Variants in RBFOX1 observed in about 807,000 individuals in gnomAD.
RBFOX1 encodes RNA binding fox-1 homolog 1.
RBFOX1 carries 8 observed loss-of-function variants against 57.7 expected under a neutral mutation model. The observed-to-expected ratio is 0.14, with a 90% CI of 0.08 to 0.25. The LOEUF (loss-of-function observed/expected upper bound fraction) is 0.25, where lower values mean the gene tolerates loss of function less well. Among genes scored for constraint, RBFOX1 ranks in the 10% least tolerant of loss-of-function variants. The probability of loss-of-function intolerance (pLI) is 1.00; values close to 1 mark genes in which losing one functional copy is unlikely to be tolerated. For synonymous variants in RBFOX1, 326 were observed against 222.4 expected (o/e 1.47, Z -4.15); for missense variants, 611 against 548.5 (o/e 1.11, Z -1.14).
chr16:7,404,270 C>G (rs2098297187), intron 4 of RBFOX1, among the ~76,000 whole-genome samples: 1 of 152,046 alleles, frequency 6.6e-6, no homozygotes. Flanking sequence ...TCAGGCTGGT[C>G]TCTAACTCCT....
At chr16:7,247,323 A>C (rs2094342185) in intron 4 of RBFOX1, among the ~76,000 whole-genome samples, 1 of 152,154 alleles carries the variant, frequency 6.6e-6, no homozygotes, top group East Asian at 1.9e-4. Flanking sequence ...TCACAGACAC[A>C]CCCGCAGTGG....
chr16:7,149,264 A>G (rs574640800), intron 4 of RBFOX1, among the ~76,000 whole-genome samples: 9 of 152,196 alleles, frequency 5.9e-5, no homozygotes, highest in South Asian at 4.2e-4. Flanking sequence ...GAGAGTTGCA[A>G]TATGACTGTT....
rs543894523 is a variant in RBFOX1, at chr16:7,025,144, G to T, written c.-15-26913G>T. Among the ~76,000 whole-genome samples the T allele has an allele frequency of 2.6e-5, 4 of 152,310 alleles. No individual in the cohort carries two copies. In the South Asian group the frequency reaches 8.3e-4, roughly 32 times the overall value. Reference sequence around the variant, plus strand: ...GAATGTCCACTCCATAGACAGAACAGCCCTGAAGGCTGCTGCCTGCCCATT... The same window carrying T: ...GAATGTCCACTCCATAGACAGAACATCCCTGAAGGCTGCTGCCTGCCCATT... On this transcript the variant is annotated intron_variant, in intron 3 of 15. Transcript: ENST00000550418.
At position 6,878,794 on chromosome 16, in the gene RBFOX1, G is replaced by C. The variant is rs574024516; in HGVS notation, c.-15-173263G>C. On this transcript the variant is annotated intron_variant, in intron 3 of 15. Coordinates refer to ENST00000550418, the MANE Select transcript of RBFOX1 (RefSeq NM_018723.4). ...CTGCAGAAATTTTAAAAAGTGCTTT[G>C]GGCTTTTCACAAAGTATAGAAAGGG... Among the ~76,000 whole-genome samples, 4 of 152,214 alleles carry C rather than the reference G, an allele frequency of 2.6e-5. No individual in the cohort carries two copies. The South Asian group carries it at 6.2e-4, about 24-fold the overall frequency.
At chr16:5,795,116 T>C (rs925988433) in intron 3 of RBFOX1, among the ~76,000 whole-genome samples, 2 of 152,172 alleles carry the variant, frequency 1.3e-5, no homozygotes, top group South Asian at 2.1e-4. Flanking sequence ...ACCTACCTTA[T>C]TATATTGTTT....
intron 3 of RBFOX1, among the ~76,000 whole-genome samples, chr16:6,965,866 C>T (rs1568123984): frequency 6.7e-6 from 1 of 148,580 alleles, no homozygotes; most frequent in Non-Finnish European, 1.5e-5. Flanking sequence ...GAAACTGAGG[C>T]ATGGGGGGAT....
At chr16:7,018,926 C>A (rs558665108) in intron 3 of RBFOX1, among the ~76,000 whole-genome samples, 2 of 152,080 alleles carry the variant, frequency 1.3e-5, no homozygotes, top group Non-Finnish European at 2.9e-5. Context: ...CAAGACCAGC[C>A]TGGGCAACAC....
At position 7,709,700 on chromosome 16, in the gene RBFOX1, G is replaced by C. The variant is rs1037922796; in HGVS notation, c.1071+569G>C. 8.0e-6 allele frequency: 9 copies of C among 1,127,082 alleles called. No homozygotes were observed. In the African/African-American group the frequency reaches 1.4e-4, roughly 18 times the overall value. 69.8% of individuals were successfully genotyped at this position (1,127,082 alleles called of 1,614,324 possible). On this transcript the variant is annotated intron_variant, in intron 15 of 15. Coordinates refer to ENST00000550418, the MANE Select transcript of RBFOX1 (RefSeq NM_018723.4). ...TAAGAAAGTAGAAGGAATCAGCTGGGTTTGGGGGTTGCCTTTTGTTTTGGG... is the reference window on the plus strand; with the variant it reads ...TAAGAAAGTAGAAGGAATCAGCTGGCTTTGGGGGTTGCCTTTTGTTTTGGG...
intron 4 of RBFOX1, among the ~76,000 whole-genome samples, chr16:5,973,003 A>G (rs1392681415): frequency 6.6e-6 from 1 of 152,210 alleles, no homozygotes; most frequent in Non-Finnish European, 1.5e-5. Flanking sequence ...TGGATGAAAC[A>G]TGCCTGCCTG....
At chr16:6,098,950 A>T (rs1036380272) in intron 1 of RBFOX1, among the ~76,000 whole-genome samples, 2 of 152,184 alleles carry the variant, frequency 1.3e-5, no homozygotes, top group Non-Finnish European at 2.9e-5. Flanking sequence ...GCACTTCGTA[A>T]GCCACCTTCT....
chr16:7,082,558 T>A (rs1337404440), intron 4 of RBFOX1, among the ~76,000 whole-genome samples: 2 of 148,974 alleles, frequency 1.3e-5, no homozygotes, highest in African/African-American at 5.0e-5. Flanking sequence ...TGAGACCATG[T>A]CTCAAAAAAA....
chr16:7,178,743 C>G (rs182280181), intron 4 of RBFOX1, among the ~76,000 whole-genome samples: 1 of 152,158 alleles, frequency 6.6e-6, no homozygotes, highest in African/African-American at 2.4e-5. Context: ...AGATGTATTG[C>G]TGTCCTAAAA....
chr16:6,904,306 C>T (rs1172865182), intron 3 of RBFOX1, among the ~76,000 whole-genome samples: 1 of 151,910 alleles, frequency 6.6e-6, no homozygotes, highest in Non-Finnish European at 1.5e-5. Context: ...CTTATGAAAC[C>T]CATCCATCTT....
chr16:5,596,982 C>T (rs377676082), intron 2 of RBFOX1, among the ~76,000 whole-genome samples: 1 of 152,128 alleles, frequency 6.6e-6, no homozygotes, highest in African/African-American at 2.4e-5. Context: ...TTCTTGGTCA[C>T]CAGATTTTTC....
chr16:6,189,572 C>T (rs2152806849), intron 1 of RBFOX1, among the ~76,000 whole-genome samples: 1 of 152,218 alleles, frequency 6.6e-6, no homozygotes, highest in East Asian at 1.9e-4. Context: ...CGTGGCTGTC[C>T]CACCTGCTCT....
intron 4 of RBFOX1, among the ~76,000 whole-genome samples, chr16:7,409,636 C>A (rs2098402429): frequency 6.6e-6 from 1 of 152,218 alleles, no homozygotes; most frequent in Non-Finnish European, 1.5e-5. Context: ...GAGCCACATA[C>A]CATCAGATGT....
intron 1 of RBFOX1, among the ~76,000 whole-genome samples, chr16:6,094,684 C>T (rs941618914): frequency 1.3e-5 from 2 of 152,200 alleles, no homozygotes; most frequent in African/African-American, 4.8e-5. Flanking sequence ...TGCATCTTAT[C>T]CTATGACTCA....
chr16:6,850,381 GTA>G (rs1160391523), intron 3 of RBFOX1, among the ~76,000 whole-genome samples: 4 of 152,166 alleles, frequency 2.6e-5, no homozygotes, highest in Non-Finnish European at 5.9e-5. Context: ...CCCTACTTAG[GTA>G]GGTTGGTCCT....
chr16:7,326,845 T>C (rs2096618121), intron 4 of RBFOX1, among the ~76,000 whole-genome samples: 1 of 152,196 alleles, frequency 6.6e-6, no homozygotes. Flanking sequence ...GAAACATAGG[T>C]AGCTCTCAGT....
Sources: allele counts gnomAD v4.1 joint callset (sites outside exome capture counted in the v4.1 genomes callset), GRCh38; gene constraint gnomAD v4.1.1; transcripts MANE v1.5; gene names NCBI Gene and HGNC (gene_info 2026-07-23, HGNC 2026-07-21).